The following TSHZ2 variants were observed in gnomAD, a reference collection of about 807,000 sequenced individuals.
TSHZ2 encodes teashirt zinc finger homeobox 2.
Under a neutral mutation model 74.4 loss-of-function variants are expected in TSHZ2, and 21 were observed. That is an observed-to-expected ratio of 0.28 (90% confidence interval 0.20 to 0.41). The LOEUF (loss-of-function observed/expected upper bound fraction) is 0.41, where lower values mean the gene tolerates loss of function less well. TSHZ2 is among the 10% of genes least tolerant of loss of function. TSHZ2 has a pLI of 1.00. For synonymous variants in TSHZ2, 540 were observed against 515.3 expected, an observed-to-expected ratio of 1.05 and a Z score of -0.65; for missense variants, 1,244 against 1,293.5, an observed-to-expected ratio of 0.96 and a Z score of 0.59.
intron 2 of TSHZ2, among the ~76,000 whole-genome samples, chr20:53,452,858 G>C: frequency 6.6e-6 from 1 of 152,164 alleles, no homozygotes. Flanking sequence ...GTTTAGTGTT[G>C]TATTGCTGTT....
At chr20:53,339,466 A>G (rs1370196381) in intron 2 of TSHZ2, among the ~76,000 whole-genome samples, 1 of 152,038 alleles carries the variant, frequency 6.6e-6, no homozygotes, top group African/African-American at 2.4e-5. Flanking sequence ...TCTGCCCTCA[A>G]ACTTGGGAGA....
chr20:53,203,490 A>C (rs1302242932), intron 1 of TSHZ2, among the ~76,000 whole-genome samples: 1 of 152,000 alleles, frequency 6.6e-6, no homozygotes, highest in Non-Finnish European at 1.5e-5. Flanking sequence ...TTGATTTGGC[A>C]TGGGGGTCTC....
intron 2 of TSHZ2, among the ~76,000 whole-genome samples, chr20:53,261,567 C>T (rs180786357): frequency 3.9e-5 from 6 of 152,298 alleles, no homozygotes; most frequent in East Asian, 3.9e-4. Flanking sequence ...TCTTCCTTAA[C>T]GTTTGCATTT....
At chr20:53,095,497 G>A (rs956403707) in intron 1 of TSHZ2, among the ~76,000 whole-genome samples, 3 of 152,196 alleles carry the variant, frequency 2.0e-5, no homozygotes, top group Admixed American at 1.3e-4. Flanking sequence ...CTCAAAGCAA[G>A]ATGATAAGAT....
At chr20:53,389,510 T>G (rs756906929) in intron 2 of TSHZ2, among the ~76,000 whole-genome samples, 6 of 152,178 alleles carry the variant, frequency 3.9e-5, no homozygotes, top group Non-Finnish European at 8.8e-5. Flanking sequence ...GGAGAGGAAA[T>G]TCCAGGCAGA....
chr20:53,296,024 T>C (rs1223436834), intron 2 of TSHZ2, among the ~76,000 whole-genome samples: 1 of 146,278 alleles, frequency 6.8e-6, no homozygotes, highest in Non-Finnish European at 1.5e-5. Flanking sequence ...TATCCAGGTC[T>C]GTAATGACTG....
chr20:53,370,169 T>C (rs1452584446), intron 2 of TSHZ2, among the ~76,000 whole-genome samples: 3 of 152,122 alleles, frequency 2.0e-5, no homozygotes, highest in African/African-American at 7.2e-5. Context: ...TGGGTTTCAC[T>C]TTTCTAGTCT....
intron 1 of TSHZ2, among the ~76,000 whole-genome samples, chr20:53,000,589 C>T: frequency 6.6e-6 from 1 of 152,056 alleles, no homozygotes; most frequent in Non-Finnish European, 1.5e-5. Flanking sequence ...AATAATAATA[C>T]AGGCAGTATG....
chr20:53,430,822 G>A (rs1381727504), intron 2 of TSHZ2, among the ~76,000 whole-genome samples: 1 of 152,146 alleles, frequency 6.6e-6, no homozygotes, highest in Non-Finnish European at 1.5e-5. Flanking sequence ...GCAGTGGCGT[G>A]GTCTCGGCTC....
Position 53,256,378 on chromosome 20 carries a change from G to A in TSHZ2, c.2920G>A (p.Val974Ile), listed in dbSNP as rs368884253. 6 of 1,613,328 alleles carry A rather than the reference G, an allele frequency of 3.7e-6. No homozygotes were observed. The highest frequency in any genetic ancestry group is 2.2e-5 in the East Asian group (1 of 44,854). Residue 974 changes from valine to isoleucine, a missense_variant, in exon 2 of 3, where the codon GTA (valine) becomes ATA (isoleucine). This residue lies in a region of TSHZ2 where 185 missense variants were observed against 213.3 expected (regional missense o/e 0.87). Transcript: ENST00000371497. The surrounding 1 kb of genome is among the most constrained non-coding windows in gnomAD (Gnocchi z 4.3). ...CAAGGTGGAGCAAGAGATCTCCCGG[G>A]TATCGTCGGCTCAGAGGTCTCCAGA... ...QSKVEQEISR[V>I]SSAQRSPETI...
At chr20:53,116,112 C>A (rs926136780) in intron 1 of TSHZ2, among the ~76,000 whole-genome samples, 1 of 152,116 alleles carries the variant, frequency 6.6e-6, no homozygotes, top group South Asian at 2.1e-4. Context: ...TTCTCATCTG[C>A]AAAATGGAGA....
intron 1 of TSHZ2, among the ~76,000 whole-genome samples, chr20:53,015,971 T>A (rs989603868): frequency 6.6e-6 from 1 of 152,188 alleles, no homozygotes; most frequent in African/African-American, 2.4e-5. Context: ...AAATCCCGAT[T>A]TAATGATAAA....
At chr20:53,147,893 T>G (rs964930576) in intron 1 of TSHZ2, among the ~76,000 whole-genome samples, 1 of 152,136 alleles carries the variant, frequency 6.6e-6, no homozygotes, top group Non-Finnish European at 1.5e-5. Context: ...ACTTTTGTAT[T>G]TTTAGTAGAG....
chr20:53,029,727 A>G (rs1020192886), intron 1 of TSHZ2, among the ~76,000 whole-genome samples: 2 of 152,192 alleles, frequency 1.3e-5, no homozygotes, highest in Non-Finnish European at 2.9e-5. Flanking sequence ...ATATGGATGG[A>G]TGTTGGAAAG....
chr20:53,145,396 T>C lies in TSHZ2; in HGVS notation c.41-108103T>C, dbSNP rs73270622. 6.6e-3 allele frequency among the ~76,000 whole-genome samples: 1,009 copies of C among 152,374 alleles called. 16 individuals carry two copies. Among genetic ancestry groups the C allele is most frequent in the African/African-American group, 0.023 (973 of 41,582 alleles). ...TCCTTATCTGTACAAATGTGCTGTCTTCATTTGTGTTCCCCGAGAATGACA... is the reference window on the plus strand; with the variant it reads ...TCCTTATCTGTACAAATGTGCTGTCCTCATTTGTGTTCCCCGAGAATGACA... On this transcript the variant is annotated intron_variant, in intron 1 of 2. Coordinates refer to ENST00000371497, the MANE Select transcript of TSHZ2 (RefSeq NM_173485.6).
chr20:53,093,897 A>C (rs945281440), intron 1 of TSHZ2, among the ~76,000 whole-genome samples: 1 of 152,102 alleles, frequency 6.6e-6, no homozygotes, highest in East Asian at 1.9e-4. Context: ...TCAGACTTCA[A>C]CCGTCTTCAA....
intron 1 of TSHZ2, among the ~76,000 whole-genome samples, chr20:53,128,007 A>G (rs770883009): frequency 7.6e-6 from 1 of 131,030 alleles, no homozygotes; most frequent in African/African-American, 3.2e-5. Flanking sequence ...TCTTTTTTTA[A>G]TACCATGTTG....
intron 1 of TSHZ2, among the ~76,000 whole-genome samples, chr20:53,243,610 C>T (rs1418014583): frequency 6.6e-6 from 1 of 152,124 alleles, no homozygotes; most frequent in African/African-American, 2.4e-5. Flanking sequence ...GAAAGTCAAG[C>T]ATCTGAGCCA....
chr20:53,434,125 C>T (rs1433781034), intron 2 of TSHZ2, among the ~76,000 whole-genome samples: 3 of 152,172 alleles, frequency 2.0e-5, no homozygotes, highest in Admixed American at 1.3e-4. Flanking sequence ...CCTACTCGGC[C>T]TCCCAAAGTG....
Sources: allele counts gnomAD v4.1 joint callset (sites outside exome capture counted in the v4.1 genomes callset), GRCh38; gene constraint gnomAD v4.1.1; regional missense constraint gnomAD v4.1.1; non-coding constraint Gnocchi (gnomAD v3.1); transcripts MANE v1.5; gene names NCBI Gene and HGNC (gene_info 2026-07-23, HGNC 2026-07-21).